Variants in GOSR2 observed in about 807,000 individuals in gnomAD.
The protein encoded by GOSR2 is 27 kDa Golgi SNARE protein.
In GOSR2, 20 loss-of-function variants were observed where a neutral mutation model predicts 27.9. The ratio of observed to expected loss-of-function variants is 0.72; its 90% CI spans 0.50 to 1.04. GOSR2 has a LOEUF of 1.04. Among genes scored for constraint, GOSR2 ranks in the 50% least tolerant of loss-of-function variants. The pLI is 0.00. For synonymous variants in GOSR2, 91 were observed against 98.8 expected, an observed-to-expected ratio of 0.92 and a Z score of 0.47; for missense variants, 261 against 270.5, an observed-to-expected ratio of 0.97 and a Z score of 0.25.
At chr17:46,932,289 T>C (rs2087514340) in intron 4 of GOSR2, 90 bp downstream of exon 4, 1 of 1,502,802 alleles carries the variant, frequency 6.7e-7, no homozygotes, top group Non-Finnish European at 9.2e-7. Flanking sequence ...GTTTTGGGGG[T>C]GTCTGAAGAA....
chr17:46,972,183 C>G (rs917264527), intron 6 of GOSR2, among the ~76,000 whole-genome samples: 2 of 152,192 alleles, frequency 1.3e-5, no homozygotes, highest in Admixed American at 1.3e-4. Flanking sequence ...TGGGGCTGGG[C>G]TGGGGCAGGA....
At chr17:46,924,845 G>C (rs560251351) in intron 1 of GOSR2, among the ~76,000 whole-genome samples, 1 of 152,174 alleles carries the variant, frequency 6.6e-6, no homozygotes, top group South Asian at 2.1e-4. Context: ...CAATAGCAGG[G>C]CACAATGGGC....
intron 1 of GOSR2, 184 bp downstream of exon 1, chr17:46,923,405 G>C: frequency 6.9e-7 from 1 of 1,447,264 alleles, no homozygotes; most frequent in Non-Finnish European, 9.1e-7. Flanking sequence ...ACAGACAGTG[G>C]GTTCAGGCTG....
chr17:46,930,956 A>T, intron 2 of GOSR2, 143 bp from the exon 3 acceptor site: 2 of 653,822 alleles, frequency 3.1e-6, no homozygotes, highest in Non-Finnish European at 5.5e-6. Flanking sequence ...TTTTTCTGTT[A>T]TTCATTAGTG....
At chr17:46,949,163 C>T (rs533686700) in intron 6 of GOSR2, 35 of 152,336 alleles carry the variant, frequency 2.3e-4, no homozygotes, top group African/African-American at 8.4e-4. Flanking sequence ...TGTCTGGGGC[C>T]TCAGATGGAA....
downstream of GOSR2, among the ~76,000 whole-genome samples, chr17:46,968,476 A>G (rs1462229279): frequency 6.6e-6 from 1 of 152,180 alleles, no homozygotes; most frequent in Non-Finnish European, 1.5e-5. Flanking sequence ...AGAGACCATC[A>G]CCATCATAAC....
At position 46,935,409 on chromosome 17, in the gene GOSR2, C is replaced by G. The variant is rs560016421; in HGVS notation, c.477+240C>G. On this transcript the variant is annotated intron_variant, in intron 5 of 5. Coordinates refer to ENST00000640051, the MANE Select transcript of GOSR2 (RefSeq NM_004287.5). ...AAGTGGCCTCTCTTAGGATCCAGGTCTTTTCCCATTTACTGAACTTATCAT... is the reference window on the plus strand; with the variant it reads ...AAGTGGCCTCTCTTAGGATCCAGGTGTTTTCCCATTTACTGAACTTATCAT... The G allele has an allele frequency of 3.5e-4, 496 of 1,429,088 alleles. No homozygotes were observed. The highest frequency in any genetic ancestry group is 4.3e-4 in the Non-Finnish European group (475 of 1,097,972). The allele number at this position is 1,429,088 out of a possible 1,614,324, so 88.5% of individuals were successfully genotyped here. A position where few individuals can be genotyped will look rare whatever the true frequency, so the allele number is the denominator to read the frequency against.
At chr17:46,936,504 G>A in intron 5 of GOSR2, 1 of 985,520 alleles carries the variant, frequency 1.0e-6, no homozygotes, top group Non-Finnish European at 1.2e-6. Context: ...TTTGTCTCTT[G>A]ATTCCCTCCA....
At position 46,940,271 on chromosome 17, in the gene GOSR2, A is replaced by G. The variant is rs901416881; in HGVS notation, c.*1511A>G. 52 of 1,431,230 alleles carry G rather than the reference A, an allele frequency of 3.6e-5. No individual in the cohort carries two copies. The African/African-American group carries it at 7.0e-4, about 19-fold the overall frequency. The allele number at this position is 1,431,230 out of a possible 1,614,324, so 88.7% of individuals were successfully genotyped here. On this transcript the variant is annotated 3_prime_UTR_variant, in exon 6 of 6. Coordinates refer to ENST00000640051, the MANE Select transcript of GOSR2 (RefSeq NM_004287.5). Reference sequence around the variant, plus strand: ...ACACTTTCGGTTGGAGGAGATCTCCATTGTTCCTACCCCTCCGGGCCAAAT... The same window carrying G: ...ACACTTTCGGTTGGAGGAGATCTCCGTTGTTCCTACCCCTCCGGGCCAAAT...
intron 6 of GOSR2, chr17:46,948,532 A>G (rs191259372): frequency 7.2e-5 from 11 of 152,358 alleles, no homozygotes; most frequent in Non-Finnish European, 1.0e-4. Context: ...TTCATTACCT[A>G]TTAGGACTTG....
intron 1 of GOSR2, 25 bp from the exon 2 acceptor site, chr17:46,929,495 C>T: frequency 7.7e-7 from 1 of 1,304,074 alleles, no homozygotes; most frequent in Non-Finnish European, 1.1e-6. Flanking sequence ...CTGTCTCACT[C>T]ATTTCCTCCC....
In GOSR2 at chr17:46,939,228, A is replaced by C; in HGVS notation, c.*468A>C. Reference sequence around the variant, plus strand: ...TCTCACAGCCATTATATTAAATAGTAGGTCGATTCACATCCTCGTGCTCCT... The same window carrying C: ...TCTCACAGCCATTATATTAAATAGTCGGTCGATTCACATCCTCGTGCTCCT... On this transcript the variant is annotated 3_prime_UTR_variant, in exon 6 of 6. Coordinates refer to ENST00000640051, the MANE Select transcript of GOSR2 (RefSeq NM_004287.5). The C allele has an allele frequency of 9.5e-7, 1 of 1,055,930 alleles. No individual in the cohort carries two copies. The highest frequency in any genetic ancestry group is 1.1e-6 in the Non-Finnish European group (1 of 869,902). 65.4% of individuals were successfully genotyped at this position (1,055,930 alleles called of 1,614,324 possible). A position where few individuals can be genotyped will look rare whatever the true frequency, so the allele number is the denominator to read the frequency against.
rs537678117 is a variant in GOSR2 at position 46,953,221 on chromosome 17, C to A, written c.584-13313C>A. Among the ~76,000 whole-genome samples, 3 of 151,938 alleles carry A rather than the reference C, an allele frequency of 2.0e-5. No individual in the cohort carries two copies. The South Asian group carries it at 6.3e-4, about 32-fold the overall frequency. ...ACTCCCCCCACCCCACAACAGTCTC[C>A]GGTGTGTGATGTTCCCCTTCCTGTG... On this transcript the variant is annotated intron_variant, in intron 6 of 6. Coordinates refer to the GOSR2 transcript ENST00000573224.
downstream of GOSR2, among the ~76,000 whole-genome samples, chr17:46,942,546 G>A (rs1475046737): frequency 1.3e-5 from 2 of 152,200 alleles, no homozygotes; most frequent in African/African-American, 2.4e-5. Flanking sequence ...AGGTGTGCAG[G>A]GGACTGAGAT....
chr17:46,938,438 G>A (rs981624335), intron 5 of GOSR2, among the ~76,000 whole-genome samples, 161 bp from the exon 6 acceptor site: 1 of 152,120 alleles, frequency 6.6e-6, no homozygotes, highest in Admixed American at 6.5e-5. Context: ...ATCAGTCGAC[G>A]ACATGAGAGT....
In GOSR2 at chr17:46,931,046, TTTAAG is replaced by T. The variant is rs2087288590; in HGVS notation, c.95-50_95-46del. On this transcript the variant is annotated intron_variant, in intron 2 of 5. Coordinates refer to ENST00000640051, the MANE Select transcript of GOSR2 (RefSeq NM_004287.5). ...AAAAATCTGTGATTTATCATTGTAA[TTTAAG>T]TTCACTATCTCTTTTCCAGCAATTA... 4 of 960,564 alleles carry T rather than the reference TTTAAG, an allele frequency of 4.2e-6. 1 individual carries two copies. In the South Asian group the frequency reaches 5.2e-5, roughly 12 times the overall value. 59.5% of individuals were successfully genotyped at this position (960,564 alleles called of 1,614,324 possible). A position where few individuals can be genotyped will look rare whatever the true frequency, so the allele number is the denominator to read the frequency against.
chr17:46,948,001 C>G lies in GOSR2; in HGVS notation c.583+9297C>G, dbSNP rs572127098. On this transcript the variant is annotated intron_variant, in intron 6 of 6. Transcript: ENST00000573224. ...GCCAGGCTGGTCTCGATCTCCTGAC[C>G]TCAGGTGATCCACCTGCCTTGGCCT... Among the ~76,000 whole-genome samples the G allele has an allele frequency of 3.9e-5, 6 of 152,338 alleles. No individual in the cohort carries two copies. The South Asian group carries it at 1.2e-3, about 32-fold the overall frequency.
At chr17:46,937,063 A>T (rs1259736307) in intron 5 of GOSR2, 1 of 152,686 alleles carries the variant, frequency 6.5e-6, no homozygotes, top group Non-Finnish European at 1.5e-5. Flanking sequence ...CTGCCCCGGC[A>T]TTCACTTATA....
At chr17:46,966,496 C>T (rs1372556510) in intron 6 of GOSR2, 4 of 676,136 alleles carry the variant, frequency 5.9e-6, no homozygotes, top group Non-Finnish European at 1.1e-5. Context: ...TACAGGTGCA[C>T]CCCACCACAC....
Sources: allele counts gnomAD v4.1 joint callset (sites outside exome capture counted in the v4.1 genomes callset), GRCh38; gene constraint gnomAD v4.1.1; transcripts MANE v1.5; gene names NCBI Gene and HGNC (gene_info 2026-07-23, HGNC 2026-07-21).